RNMT: variants seen among roughly 807,000 people sequenced by gnomAD.
The protein encoded by RNMT is RNA guanine-7 methyltransferase, also known as mRNA cap guanine-N(7) methyltransferase.
Under a neutral mutation model 56.0 loss-of-function variants are expected in RNMT, and 27 were observed. That is an observed-to-expected ratio of 0.48 (90% CI 0.36 to 0.67). The LOEUF (loss-of-function observed/expected upper bound fraction) is 0.67. Among genes scored for constraint, RNMT ranks in the 30% least tolerant of loss-of-function variants. RNMT has a pLI of 0.00. For synonymous variants in RNMT, 184 were observed against 176.2 expected, an observed-to-expected ratio of 1.04 and a Z score of -0.35; for missense variants, 519 against 552.1, an observed-to-expected ratio of 0.94 and a Z score of 0.60.
chr18:13,757,883 A>T (rs2044569541), intron 11 of RNMT, among the ~76,000 whole-genome samples: 1 of 152,224 alleles, frequency 6.6e-6, no homozygotes, highest in Non-Finnish European at 1.5e-5. Flanking sequence ...TTAAATAATA[A>T]GACTTAAAAA....
At chr18:13,752,475 C>T (rs1208193578) in intron 10 of RNMT, 48 bp downstream of exon 10, 1 of 1,163,118 alleles carries the variant, frequency 8.6e-7, no homozygotes, top group Non-Finnish European at 1.3e-6. Context: ...AAAAAAAGAA[C>T]ATGCTTATAT....
In RNMT at chr18:13,731,650, G is replaced by A; in HGVS notation, c.133G>A (p.Glu45Lys). Residue 45 changes from glutamate (E) to lysine (K), a missense_variant, in exon 3 of 12, where the codon GAA (glutamate) becomes AAA (lysine). Coordinates refer to ENST00000383314, the MANE Select transcript of RNMT (RefSeq NM_003799.3). ...NTTASGTGLS[E>K]KTSVCRQVDI... Reference sequence around the variant, plus strand: ...AACAGCTTCTGGGACTGGGCTTTCTGAAAAGACTTCTGTCTGTAGGCAAGT... The same window carrying A: ...AACAGCTTCTGGGACTGGGCTTTCTAAAAAGACTTCTGTCTGTAGGCAAGT... 6.2e-7 allele frequency: 1 copy of A among 1,614,106 alleles called. No homozygotes were observed. Among genetic ancestry groups the A allele is most frequent in the Non-Finnish European group, 8.5e-7 (1 of 1,180,008 alleles).
intron 8 of RNMT, among the ~76,000 whole-genome samples, chr18:13,743,369 T>TAAATA: frequency 6.8e-6 from 1 of 147,774 alleles, no homozygotes; most frequent in South Asian, 2.2e-4. Flanking sequence ...AATAAATAAA[T>TAAATA]AAATCAAAGA....
chr18:13,742,438 C>G (rs768342762), intron 7 of RNMT, 50 bp from the exon 8 acceptor site: 2 of 1,554,286 alleles, frequency 1.3e-6, no homozygotes, highest in South Asian at 1.1e-5. Context: ...TAAGTCTACA[C>G]TAATCACAAT....
At position 13,753,131 on chromosome 18, in the gene RNMT, A is replaced by G. The variant is rs188156185; in HGVS notation, c.1359+704A>G. ...ATTTTTTCCACCAGTGCTGTTTGATATTTCAAGATAGGCCTTTTTTATTTT... is the reference window on the plus strand; with the variant it reads ...ATTTTTTCCACCAGTGCTGTTTGATGTTTCAAGATAGGCCTTTTTTATTTT... On this transcript the variant is annotated intron_variant, in intron 10 of 11. Transcript: ENST00000383314. Among the ~76,000 whole-genome samples the G allele has an allele frequency of 9.8e-4, 150 of 152,358 alleles. 1 individual carries two copies. The highest frequency in any genetic ancestry group is 6.8e-3 in the Middle Eastern group (2 of 294).
Position 13,762,666 on chromosome 18 carries a change from G to A in RNMT, c.*2687G>A, listed in dbSNP as rs954090276. Reference sequence around the variant, plus strand: ...GCATGACCGCTCTCTGACTTCACATGTTAATAGAGGATCAGAGCAGAGTTG... The same window carrying A: ...GCATGACCGCTCTCTGACTTCACATATTAATAGAGGATCAGAGCAGAGTTG... On this transcript the variant is annotated 3_prime_UTR_variant, in exon 12 of 12. Coordinates refer to ENST00000383314, the MANE Select transcript of RNMT (RefSeq NM_003799.3). The A allele has an allele frequency of 1.9e-5, 4 of 206,972 alleles. No homozygotes were observed. The highest frequency in any genetic ancestry group is 9.3e-5 in the African/African-American group (4 of 43,124). 12.8% of individuals were successfully genotyped at this position (206,972 alleles called of 1,614,324 possible).
intron 5 of RNMT, among the ~76,000 whole-genome samples, chr18:13,739,483 A>C (rs1217584675): frequency 6.6e-6 from 1 of 152,146 alleles, no homozygotes; most frequent in Non-Finnish European, 1.5e-5. Flanking sequence ...GTGAATCTTT[A>C]AACAGGGAAA....
intron 5 of RNMT, among the ~76,000 whole-genome samples, chr18:13,739,747 C>T (rs1279043901): frequency 6.6e-6 from 1 of 152,114 alleles, no homozygotes; most frequent in Non-Finnish European, 1.5e-5. Context: ...GATTGCACCA[C>T]TGCACTCCAG....
At chr18:13,750,960 TAACTC>T in intron 9 of RNMT, among the ~76,000 whole-genome samples, 1 of 152,090 alleles carries the variant, frequency 6.6e-6, no homozygotes, top group East Asian at 1.9e-4. Context: ...ATATAAAAAT[TAACTC>T]AAGATGGATT....
Position 13,761,841 on chromosome 18 carries a change from A to ACTCCCCCCCCCCCCC in RNMT, c.*1863_*1864insTCCCCCCCCCCCCCC. 1 of 1,298,964 alleles carries ACTCCCCCCCCCCCCC rather than the reference A, an allele frequency of 7.7e-7. No homozygotes were observed. The highest frequency in any genetic ancestry group is 9.8e-7 in the Non-Finnish European group (1 of 1,019,466). 80.5% of individuals were successfully genotyped at this position (1,298,964 alleles called of 1,614,324 possible). ...TTATCAGTTCTTCCTCCACCACCCT[A>ACTCCCCCCCCCCCCC]CACCCCCCTCCCCCCGGCCCCAAGC... On this transcript the variant is annotated 3_prime_UTR_variant, in exon 12 of 12. Transcript: ENST00000383314.
chr18:13,728,137 A>G (rs537365211), intron 1 of RNMT, among the ~76,000 whole-genome samples: 4 of 152,264 alleles, frequency 2.6e-5, no homozygotes, highest in Admixed American at 6.5e-5. Context: ...CAACCAGAAT[A>G]TAGAAGAAAC....
chr18:13,733,234 A>G (rs1416037919), intron 3 of RNMT, among the ~76,000 whole-genome samples: 1 of 152,160 alleles, frequency 6.6e-6, no homozygotes, highest in Non-Finnish European at 1.5e-5. Flanking sequence ...AGGTAGGAGG[A>G]TCCGAAGCCC....
At chr18:13,757,596 T>A (rs139579832) in intron 11 of RNMT, among the ~76,000 whole-genome samples, 173 of 152,314 alleles carry the variant, frequency 1.1e-3, no homozygotes, top group Non-Finnish European at 2.2e-3. Context: ...ATCTGCAGGC[T>A]CCACTTCTAA....
In RNMT at chr18:13,762,285, T is replaced by C. The variant is rs1037153981; in HGVS notation, c.*2306T>C. On this transcript the variant is annotated 3_prime_UTR_variant, in exon 12 of 12. Transcript: ENST00000383314. The stretch of plus-strand genomic sequence containing the variant: ...ACCAAGAATGCTGATGTTGAATTCT[T>C]TGGGCCTAGAATATACTTGAGAAAG... 8.7e-7 allele frequency: 1 copy of C among 1,150,416 alleles called. No individual in the cohort carries two copies. Among genetic ancestry groups the C allele is most frequent in the African/African-American group, 1.6e-5 (1 of 64,078 alleles). The allele number at this position is 1,150,416 out of a possible 1,614,324, so 71.3% of individuals were successfully genotyped here. A position where few individuals can be genotyped will look rare whatever the true frequency, so the allele number is the denominator to read the frequency against.
rs116831898 is a variant in RNMT, at chr18:13,741,520, T to C, written c.803T>C (p.Ile268Thr). The C allele has an allele frequency of 1.3e-4, 208 of 1,610,852 alleles. 1 individual carries two copies. In the African/African-American group the frequency reaches 2.3e-3, roughly 18 times the overall value. Residue 268 changes from isoleucine to threonine, a missense_variant, in exon 7 of 12, where the codon ATT becomes ACT. Coordinates refer to ENST00000383314, the MANE Select transcript of RNMT (RefSeq NM_003799.3). ...ITADSSKELL[I>T]DKFRDPQMCF... ...TTTAATTTGTTTCAGGAACTTCTGA[T>C]TGACAAATTTCGTGACCCACAAATG...
At chr18:13,754,576 C>G (rs891784913) in intron 11 of RNMT, among the ~76,000 whole-genome samples, 1 of 152,208 alleles carries the variant, frequency 6.6e-6, no homozygotes, top group Non-Finnish European at 1.5e-5. Context: ...CACACAAATA[C>G]GTATATCTCT....
chr18:13,762,167 A>T lies in RNMT; in HGVS notation c.*2188A>T. On this transcript the variant is annotated 3_prime_UTR_variant, in exon 12 of 12. Coordinates refer to ENST00000383314, the MANE Select transcript of RNMT (RefSeq NM_003799.3). ...CATGCAGTTTATCCTCTGAGAATGG[A>T]ATTGGAAATGAAGACCTAACCAGCT... The T allele has an allele frequency of 6.6e-7, 1 of 1,526,366 alleles. No individual in the cohort carries two copies. Among genetic ancestry groups the T allele is most frequent in the Non-Finnish European group, 8.8e-7 (1 of 1,142,566 alleles). 94.6% of individuals were successfully genotyped at this position (1,526,366 alleles called of 1,614,324 possible). A position where few individuals can be genotyped will look rare whatever the true frequency, so the allele number is the denominator to read the frequency against.
At chr18:13,738,228 T>G (rs2044197325) in intron 5 of RNMT, among the ~76,000 whole-genome samples, 1 of 152,208 alleles carries the variant, frequency 6.6e-6, no homozygotes, top group Admixed American at 6.5e-5. Flanking sequence ...TTATGGTAAG[T>G]AGCTACTGAT....
At chr18:13,747,047 T>C (rs950239904) in intron 9 of RNMT, among the ~76,000 whole-genome samples, 13 of 152,178 alleles carry the variant, frequency 8.5e-5, no homozygotes, top group African/African-American at 3.1e-4. Context: ...ACCTAAAATA[T>C]TCAGTGAGCA....
Sources: allele counts gnomAD v4.1 joint callset (sites outside exome capture counted in the v4.1 genomes callset), GRCh38; gene constraint gnomAD v4.1.1; transcripts MANE v1.5; gene names NCBI Gene and HGNC (gene_info 2026-07-23, HGNC 2026-07-21).